C4orf51: variants seen among roughly 807,000 people sequenced by gnomAD.
C4orf51 encodes chromosome 4 open reading frame 51.
In C4orf51, 25 loss-of-function variants were observed where a neutral mutation model predicts 25.2. The observed-to-expected ratio is 0.99, with a 90% CI of 0.72 to 1.39. The LOEUF (loss-of-function observed/expected upper bound fraction) is 1.39. Ranked by LOEUF, C4orf51 falls within the 40% of genes most tolerant of loss-of-function variation. The pLI is 0.00. For missense variants in C4orf51, 252 were observed against 239.6 expected, an observed-to-expected ratio of 1.05 and a Z score of -0.34; for synonymous variants, 100 against 84.5, an observed-to-expected ratio of 1.18 and a Z score of -1.01.
At chr4:145,789,544 T>C in the C4orf51 span, among the ~76,000 whole-genome samples, 1 of 152,228 alleles carries the variant, frequency 6.6e-6, no homozygotes, top group African/African-American at 2.4e-5. Context: ...ATTATCATTC[T>C]TATTTTACAA....
At chr4:145,777,167 G>A in the C4orf51 span, among the ~76,000 whole-genome samples, 2 of 152,194 alleles carry the variant, frequency 1.3e-5, no homozygotes, top group Non-Finnish European at 2.9e-5. Flanking sequence ...ACATCTTGAA[G>A]GGCTGGCATC....
intron 1 of C4orf51, among the ~76,000 whole-genome samples, chr4:145,685,252 C>T (rs992358874): frequency 4.6e-5 from 7 of 152,202 alleles, no homozygotes; most frequent in Non-Finnish European, 7.4e-5. Context: ...TCCTTGTATT[C>T]GTCCATTTTC....
chr4:145,757,858 GAAGA>G (rs1244197516), downstream of C4orf51: 4 of 152,072 alleles, frequency 2.6e-5, no homozygotes, highest in Non-Finnish European at 4.4e-5. Context: ...AAAAAGGATA[GAAGA>G]AAGAAAGTGC....
chr4:145,778,113 G>A, the C4orf51 span, among the ~76,000 whole-genome samples: 1 of 152,042 alleles, frequency 6.6e-6, no homozygotes, highest in Non-Finnish European at 1.5e-5. Flanking sequence ...GCAGCATGGA[G>A]AAACCCCATT....
At chr4:145,681,906 G>T (rs1196942228) in intron 1 of C4orf51, among the ~76,000 whole-genome samples, 3 of 152,116 alleles carry the variant, frequency 2.0e-5, no homozygotes, top group African/African-American at 7.2e-5. Flanking sequence ...TCTAACACAT[G>T]AACTTTTGAG....
downstream of C4orf51, among the ~76,000 whole-genome samples, chr4:145,772,974 ATATGGTTTC>A (rs1209211040): frequency 1.3e-5 from 2 of 152,140 alleles, no homozygotes; most frequent in Admixed American, 1.3e-4. Context: ...CTGCCTAGCC[ATATGGTTTC>A]TATGGTTTCT....
Position 145,761,157 on chromosome 4 carries a change from A to T in C4orf51, n.167-9831A>T. 2 of 1,289,806 alleles carry T rather than the reference A, an allele frequency of 1.6e-6. No individual in the cohort carries two copies. Among genetic ancestry groups the T allele is most frequent in the Non-Finnish European group, 2.0e-6 (2 of 988,864 alleles). 79.9% of individuals were successfully genotyped at this position (1,289,806 alleles called of 1,614,324 possible). On this transcript the variant is annotated intron_variant and non_coding_transcript_variant, in intron 1 of 1. Coordinates refer to the C4orf51 transcript ENST00000510096. This position sits in a 1 kb window ranked among gnomAD's most constrained non-coding sequence, Gnocchi z 6.8. ...GGCCGGCCGGTTCCTTGGGGGCTGG[A>T]CACAGGCCCTTCTTGTCCTCCTCGG...
the C4orf51 span, among the ~76,000 whole-genome samples, chr4:145,785,381 C>T: frequency 6.6e-6 from 1 of 152,148 alleles, no homozygotes; most frequent in African/African-American, 2.4e-5. Context: ...CTTAATTAAA[C>T]CCATTCGGTA....
chr4:145,757,032 G>A (rs1438155198), downstream of C4orf51, among the ~76,000 whole-genome samples: 1 of 152,184 alleles, frequency 6.6e-6, no homozygotes, highest in Non-Finnish European at 1.5e-5. Flanking sequence ...TCATGGAAAG[G>A]TCTCAAATAG....
chr4:145,709,900 T>C (rs1731040822), intron 2 of C4orf51, among the ~76,000 whole-genome samples: 1 of 152,146 alleles, frequency 6.6e-6, no homozygotes, highest in African/African-American at 2.4e-5. Context: ...CAGAGCCACT[T>C]GCAGCTGAGA....
chr4:145,713,294 A>G (rs1285068820), intron 2 of C4orf51, among the ~76,000 whole-genome samples: 1 of 152,260 alleles, frequency 6.6e-6, no homozygotes, highest in East Asian at 1.9e-4. Flanking sequence ...CCTTTAATGA[A>G]TCTGAGCAAA....
At chr4:145,702,722 G>A (rs554096185) in intron 2 of C4orf51, among the ~76,000 whole-genome samples, 170 of 152,218 alleles carry the variant, frequency 1.1e-3, no homozygotes, top group African/African-American at 3.8e-3. Context: ...AGATGTCCTA[G>A]GTCCTCCCAA....
chr4:145,721,555 C>T (rs1731741670), intron 2 of C4orf51, among the ~76,000 whole-genome samples: 1 of 152,148 alleles, frequency 6.6e-6, no homozygotes, highest in Non-Finnish European at 1.5e-5. Context: ...TTGTTTTCCT[C>T]TCTCTATTTT....
chr4:145,773,925 C>T (rs1028830845), downstream of C4orf51, among the ~76,000 whole-genome samples: 2 of 152,082 alleles, frequency 1.3e-5, no homozygotes, highest in Non-Finnish European at 2.9e-5. Flanking sequence ...AAGTGTTTCT[C>T]GGGGCTGTCA....
intron 1 of C4orf51, among the ~76,000 whole-genome samples, chr4:145,740,240 CAAAA>C (rs60310006): frequency 6.4e-4 from 67 of 104,758 alleles, no homozygotes; most frequent in East Asian, 5.2e-3. Flanking sequence ...TCCCTTTCTG[CAAAA>C]AAAAAAAAAA....
In C4orf51 at chr4:145,765,267, G is replaced by A. The variant is rs142538189; in HGVS notation, n.167-5721G>A. 2.7e-5 allele frequency: 34 copies of A among 1,282,530 alleles called. No individual in the cohort carries two copies. The African/African-American group carries it at 3.4e-4, about 13-fold the overall frequency. The allele number at this position is 1,282,530 out of a possible 1,614,324, so 79.4% of individuals were successfully genotyped here. On this transcript the variant is annotated intron_variant and non_coding_transcript_variant, in intron 1 of 1. Transcript: ENST00000510096. The surrounding 1 kb of genome is among the most constrained non-coding windows in gnomAD (Gnocchi z 4.7). The stretch of plus-strand genomic sequence containing the variant: ...CCCACTTCCTCCCGCCTCCTCCGAC[G>A]CCTGACAGCTATACCCTTCCAGGCA...
chr4:145,771,203 C>T (rs1017932960), downstream of C4orf51, among the ~76,000 whole-genome samples: 1 of 152,116 alleles, frequency 6.6e-6, no homozygotes, highest in African/African-American at 2.4e-5. Flanking sequence ...TTTTCAGACC[C>T]AGGTTTTGGT....
At chr4:145,783,073 C>CAT in the C4orf51 span, among the ~76,000 whole-genome samples, 14 of 151,120 alleles carry the variant, frequency 9.3e-5, no homozygotes, top group South Asian at 2.1e-4. Flanking sequence ...TTCTATAAGC[C>CAT]ATATATATAT....
At chr4:145,693,277 A>G (rs906280169) in intron 1 of C4orf51, among the ~76,000 whole-genome samples, 1 of 151,086 alleles carries the variant, frequency 6.6e-6, no homozygotes, top group South Asian at 2.1e-4. Flanking sequence ...AACAAAGCCC[A>G]TCTTGCACCG....
Sources: gnomAD v4.1 joint callset for allele counts (sites outside exome capture counted in the v4.1 genomes callset) on GRCh38, gnomAD v4.1.1 for gene constraint, Gnocchi (gnomAD v3.1) non-coding constraint, MANE v1.5 for transcripts, NCBI Gene and HGNC (gene_info 2026-07-23, HGNC 2026-07-21) for gene names.